Variants in RTN1 observed in about 807,000 individuals in gnomAD.
RTN1 encodes reticulon-1.
RTN1 carries 25 observed loss-of-function variants against 65.5 expected under a neutral mutation model. The observed-to-expected ratio is 0.38, with a 90% CI of 0.28 to 0.53. The LOEUF (loss-of-function observed/expected upper bound fraction) is 0.53. Among genes scored for constraint, RTN1 ranks in the 20% least tolerant of loss-of-function variants. The probability of loss-of-function intolerance (pLI) is 0.79; values close to 1 mark genes in which losing one functional copy is unlikely to be tolerated. For synonymous variants in RTN1, 471 were observed against 447.6 expected, an observed-to-expected ratio of 1.05 and a Z score of -0.66; for missense variants, 983 against 1,025.4, an observed-to-expected ratio of 0.96 and a Z score of 0.57.
At chr14:59,651,370 A>G (rs997059697) in intron 3 of RTN1, among the ~76,000 whole-genome samples, 3 of 152,140 alleles carry the variant, frequency 2.0e-5, no homozygotes, top group African/African-American at 7.2e-5. Flanking sequence ...TGCTTACACC[A>G]TATACAAAAA....
At chr14:59,713,530 C>G (rs1183314917) in intron 3 of RTN1, among the ~76,000 whole-genome samples, 1 of 152,184 alleles carries the variant, frequency 6.6e-6, no homozygotes, top group Non-Finnish European at 1.5e-5. Flanking sequence ...AGCTTCAGAA[C>G]ACTTACTGCT....
chr14:59,618,809 A>G (rs1171374050), intron 3 of RTN1, among the ~76,000 whole-genome samples: 1 of 152,266 alleles, frequency 6.6e-6, no homozygotes, highest in African/African-American at 2.4e-5. Context: ...CTAGATATTT[A>G]AAGAGAAATT....
chr14:59,767,924 A>T (rs1371395049), intron 1 of RTN1, among the ~76,000 whole-genome samples: 1 of 152,226 alleles, frequency 6.6e-6, no homozygotes, highest in Non-Finnish European at 1.5e-5. Flanking sequence ...TACATACATC[A>T]GTTAACCAGC....
chr14:59,706,023 G>C (rs1415625933), intron 3 of RTN1, among the ~76,000 whole-genome samples: 1 of 152,198 alleles, frequency 6.6e-6, no homozygotes, highest in Non-Finnish European at 1.5e-5. Context: ...TCATCCAGAA[G>C]GAATGCAATT....
rs182634390 is a variant in RTN1 at position 59,788,253 on chromosome 14, G to T, written c.242-41772C>A. Among the ~76,000 whole-genome samples, 296 of 152,308 alleles carry T rather than the reference G, an allele frequency of 1.9e-3. 3 individuals carry two copies. The Middle Eastern group carries it at 0.02, about 11-fold the overall frequency. ...TTTCCAGCAATGGGGCTGCTGAACT[G>T]AACAGTATGTTGGGTTTTTTTTCTT... is the stretch of plus-strand genomic sequence containing the variant. On this transcript the variant is annotated intron_variant, in intron 1 of 8. Transcript: ENST00000267484.
chr14:59,745,539 C>A (rs550587578), intron 2 of RTN1, among the ~76,000 whole-genome samples, 169 bp downstream of exon 2: 14 of 152,174 alleles, frequency 9.2e-5, no homozygotes, highest in African/African-American at 3.4e-4. Flanking sequence ...CAATCAGCAA[C>A]AAATTGAAAA....
chr14:59,729,705 G>T (rs900960858), intron 2 of RTN1, among the ~76,000 whole-genome samples: 2 of 152,162 alleles, frequency 1.3e-5, no homozygotes, highest in Non-Finnish European at 2.9e-5. Context: ...TGGAACTTAG[G>T]GTCTAGGGAC....
intron 1 of RTN1, among the ~76,000 whole-genome samples, chr14:59,784,516 T>C (rs1301259004): frequency 6.6e-6 from 1 of 152,332 alleles, no homozygotes; most frequent in African/African-American, 2.4e-5. Flanking sequence ...ATGAAAGTTT[T>C]AGTTTGTATG....
At chr14:59,833,351 C>T (rs1276631084) in intron 1 of RTN1, among the ~76,000 whole-genome samples, 10 of 151,650 alleles carry the variant, frequency 6.6e-5, no homozygotes, top group South Asian at 2.1e-4. Context: ...TTCCTATGGG[C>T]GATATAAGTC....
chr14:59,688,126 G>A (rs1343670364), intron 3 of RTN1, among the ~76,000 whole-genome samples: 1 of 150,756 alleles, frequency 6.6e-6, no homozygotes, highest in African/African-American at 2.4e-5. Flanking sequence ...CTCTCTACTC[G>A]ATGCTCAGGC....
At chr14:59,831,360 G>C (rs1284516010) in intron 1 of RTN1, among the ~76,000 whole-genome samples, 1 of 152,190 alleles carries the variant, frequency 6.6e-6, no homozygotes, top group Non-Finnish European at 1.5e-5. Flanking sequence ...CCTCCCTCAA[G>C]TAAGAAAGGA....
At chr14:59,866,642 G>T (rs1887803707) in intron 1 of RTN1, among the ~76,000 whole-genome samples, 1 of 152,106 alleles carries the variant, frequency 6.6e-6, no homozygotes, top group Non-Finnish European at 1.5e-5. Context: ...TATGCCCACA[G>T]AAATAAATTG....
At chr14:59,811,485 C>T (rs564067182) in intron 1 of RTN1, among the ~76,000 whole-genome samples, 22 of 152,234 alleles carry the variant, frequency 1.4e-4, no homozygotes, top group South Asian at 4.1e-4. Flanking sequence ...ATTGTAAGTA[C>T]GTATCAATTC....
At chr14:59,733,460 T>A (rs1452400783) in intron 2 of RTN1, among the ~76,000 whole-genome samples, 1 of 151,988 alleles carries the variant, frequency 6.6e-6, no homozygotes, top group Non-Finnish European at 1.5e-5. Flanking sequence ...AGCTGGCCCC[T>A]CCAGCCACAT....
At chr14:59,734,896 G>A (rs1326979817) in intron 2 of RTN1, among the ~76,000 whole-genome samples, 1 of 151,998 alleles carries the variant, frequency 6.6e-6, no homozygotes, top group African/African-American at 2.4e-5. Context: ...ACCCCAGCAA[G>A]ATAATCAATG....
intron 3 of RTN1, among the ~76,000 whole-genome samples, chr14:59,678,925 A>T (rs1883685814): frequency 6.6e-6 from 1 of 152,218 alleles, no homozygotes; most frequent in Non-Finnish European, 1.5e-5. Flanking sequence ...ATTCTTATGC[A>T]CATATAAGTT....
At chr14:59,786,042 A>C (rs1389003485) in intron 1 of RTN1, among the ~76,000 whole-genome samples, 1 of 152,182 alleles carries the variant, frequency 6.6e-6, no homozygotes, top group Non-Finnish European at 1.5e-5. Context: ...CAATCAGAAA[A>C]CAGGAGGGTA....
At chr14:59,744,289 A>G (rs1209236704) in intron 2 of RTN1, among the ~76,000 whole-genome samples, 2 of 152,180 alleles carry the variant, frequency 1.3e-5, no homozygotes, top group Non-Finnish European at 2.9e-5. Context: ...GTAGAATGCC[A>G]GTCACCAGGG....
intron 1 of RTN1, among the ~76,000 whole-genome samples, chr14:59,750,392 C>G (rs865855966): frequency 2.2e-5 from 1 of 44,506 alleles, no homozygotes; most frequent in Non-Finnish European, 3.8e-5. Flanking sequence ...TATATTATAT[C>G]TATAATATAT....
Sources: gnomAD v4.1 joint callset for allele counts (sites outside exome capture counted in the v4.1 genomes callset) on GRCh38, gnomAD v4.1.1 for gene constraint, MANE v1.5 for transcripts, NCBI Gene and HGNC (gene_info 2026-07-23, HGNC 2026-07-21) for gene names.